Variants in PLPPR2 observed in about 807,000 individuals in gnomAD.
PLPPR2 encodes the protein phospholipid phosphatase related 2, also known as phospholipid phosphatase-related protein type 2.
PLPPR2 carries 11 observed loss-of-function variants against 40.3 expected under a neutral mutation model. That is an observed-to-expected ratio of 0.27 (90% CI 0.17 to 0.45). PLPPR2 has a LOEUF of 0.45. Ranked by LOEUF, PLPPR2 falls within the 20% of genes least tolerant of loss-of-function variation. The probability of loss-of-function intolerance (pLI) is 1.00; values close to 1 mark genes in which losing one functional copy is unlikely to be tolerated. For missense variants in PLPPR2, 497 were observed against 640.7 expected (o/e 0.78, Z 2.42); for synonymous variants, 260 against 290.8 (o/e 0.89, Z 1.08).
In PLPPR2 at chr19:11,362,677, C is replaced by T. The variant is rs1396189458; in HGVS notation, c.828C>T (p.Ile276=). The change falls in exon 7 of 10, where the codon ATC becomes ATT. Residue 276 remains isoleucine (I), a synonymous_variant. Coordinates refer to ENST00000688289, the MANE Select transcript of PLPPR2 (RefSeq NM_001393892.1). The surrounding 1 kb of genome is among the most constrained non-coding windows in gnomAD (Gnocchi z 5.3). The part of the protein sequence containing the change: ...VLAGFLTGAA[I]ATFLVTCVVH... ...CTGGCTTCCTGACAGGGGCGGCCAT[C>T]GCCACCTTTTTGGTGAGTTGCCTCC... 2.5e-6 allele frequency: 4 copies of T among 1,612,300 alleles called. No individual in the cohort carries two copies. Among genetic ancestry groups the T allele is most frequent in the African/African-American group, 1.3e-5 (1 of 75,044 alleles).
chr19:11,364,763 G>GT lies in PLPPR2; in HGVS notation c.*74dup, dbSNP rs1321890233. Reference sequence around the variant, plus strand: ...CCACGCGTGTGTGTGCGTGTGCCACGTGAGTGCCAAAGTCCCCTGCCCCCC... The same window carrying GT: ...CCACGCGTGTGTGTGCGTGTGCCACGTTGAGTGCCAAAGTCCCCTGCCCCCC... On this transcript the variant is annotated 3_prime_UTR_variant, in exon 10 of 10. Transcript: ENST00000688289. This position sits in a 1 kb window ranked among gnomAD's most constrained non-coding sequence, Gnocchi z 5.8. 1 of 1,506,430 alleles carries GT rather than the reference G, an allele frequency of 6.6e-7. No individual in the cohort carries two copies. Among genetic ancestry groups the GT allele is most frequent in the Non-Finnish European group, 8.9e-7 (1 of 1,123,648 alleles). 93.3% of individuals were successfully genotyped at this position (1,506,430 alleles called of 1,614,324 possible). A position where few individuals can be genotyped will look rare whatever the true frequency, so the allele number is the denominator to read the frequency against.
Position 11,362,397 on chromosome 19 carries a change from T to A in PLPPR2, c.664-116T>A. Reference sequence around the variant, plus strand: ...CCCATGACTCCAACCCTGGAGCCCCTGGCCACTCCCTCCAGCCCCAACGCT... The same window carrying A: ...CCCATGACTCCAACCCTGGAGCCCCAGGCCACTCCCTCCAGCCCCAACGCT... On this transcript the variant is annotated intron_variant, in intron 6 of 9. Coordinates refer to ENST00000688289, the MANE Select transcript of PLPPR2 (RefSeq NM_001393892.1). The surrounding 1 kb of genome is among the most constrained non-coding windows in gnomAD (Gnocchi z 5.3). 8.2e-7 allele frequency: 1 copy of A among 1,221,196 alleles called. No homozygotes were observed. Among genetic ancestry groups the A allele is most frequent in the Non-Finnish European group, 1.1e-6 (1 of 881,102 alleles). The allele number at this position is 1,221,196 out of a possible 1,614,324, so 75.6% of individuals were successfully genotyped here. A position where few individuals can be genotyped will look rare whatever the true frequency, so the allele number is the denominator to read the frequency against.
chr19:11,361,521 G>T lies in PLPPR2; in HGVS notation c.663+33G>T, dbSNP rs1277687802. ...TCGGGAGCTTCGGGGTCGGAAATGG[G>T]TGTGCAGGCTGGACAGCGACCAGCA... On this transcript the variant is annotated intron_variant, in intron 6 of 9. Transcript: ENST00000688289. This position sits in a 1 kb window ranked among gnomAD's most constrained non-coding sequence, Gnocchi z 6.3. 3.2e-6 allele frequency: 5 copies of T among 1,570,016 alleles called. No individual in the cohort carries two copies. Among genetic ancestry groups the T allele is most frequent in the Non-Finnish European group, 3.4e-6 (4 of 1,161,690 alleles).
chr19:11,361,204 A>G lies in PLPPR2; in HGVS notation c.392-13A>G, dbSNP rs768224745. ...GCCTGGCGCATGAACCCCTTCCACT[A>G]TCCCACCCCTAGGGGTCTACTCCTT... On this transcript the variant is annotated splice_polypyrimidine_tract_variant and intron_variant, in intron 5 of 9. Coordinates refer to ENST00000688289, the MANE Select transcript of PLPPR2 (RefSeq NM_001393892.1). This position sits in a 1 kb window ranked among gnomAD's most constrained non-coding sequence, Gnocchi z 6.3. The G allele has an allele frequency of 1.9e-6, 3 of 1,594,478 alleles. No individual in the cohort carries two copies. Among genetic ancestry groups the G allele is most frequent in the Non-Finnish European group, 2.6e-6 (3 of 1,171,758 alleles).
chr19:11,363,791 G>T lies in PLPPR2; in HGVS notation c.919G>T (p.Ala307Ser), dbSNP rs1409702651. The T allele has an allele frequency of 6.2e-7, 1 of 1,614,168 alleles. No individual in the cohort carries two copies. The highest frequency in any genetic ancestry group is 8.5e-7 in the Non-Finnish European group (1 of 1,180,012). ...CTCTCCCTGGGAGGACCTGGGCCAA[G>T]CCCCCACCATGGATAGCCCCCTCGA... ...RLSPWEDLGQ[A>S]PTMDSPLEKL... Residue 307 changes from alanine (A) to serine (S), a missense_variant, in exon 8 of 10, where the codon GCC (alanine) becomes TCC (serine). By Grantham distance (99) the Ala-to-Ser change is moderately conservative (BLOSUM62 1). Transcript: ENST00000688289. The surrounding 1 kb of genome is among the most constrained non-coding windows in gnomAD (Gnocchi z 4.8).
chr19:11,363,844 G>A lies in PLPPR2; in HGVS notation c.963+9G>A, dbSNP rs1489069980. On this transcript the variant is annotated intron_variant, in intron 8 of 9. Coordinates refer to ENST00000688289, the MANE Select transcript of PLPPR2 (RefSeq NM_001393892.1). This position sits in a 1 kb window ranked among gnomAD's most constrained non-coding sequence, Gnocchi z 4.8. ...AGTTAAGTGTGGCGCAGGTAAGGGGGGCCGGGGGCTGCTCCCGGCTGGAGA... is the reference window on the plus strand; with the variant it reads ...AGTTAAGTGTGGCGCAGGTAAGGGGAGCCGGGGGCTGCTCCCGGCTGGAGA... The A allele has an allele frequency of 1.9e-6, 3 of 1,611,860 alleles. No individual in the cohort carries two copies. The highest frequency in any genetic ancestry group is 2.5e-6 in the Non-Finnish European group (3 of 1,178,744).
Position 11,361,500 on chromosome 19 carries a change from G to A in PLPPR2, c.663+12G>A, listed in dbSNP as rs1260284508. 7 of 1,584,758 alleles carry A rather than the reference G, an allele frequency of 4.4e-6. No homozygotes were observed. In the Admixed American group the frequency reaches 5.1e-5, roughly 12 times the overall value. ...TCACCTACACAGCGGTGAGCTTCGG[G>A]AGCTTCGGGGTCGGAAATGGGTGTG... is the stretch of plus-strand genomic sequence containing the variant. On this transcript the variant is annotated intron_variant, in intron 6 of 9. Coordinates refer to ENST00000688289, the MANE Select transcript of PLPPR2 (RefSeq NM_001393892.1). The surrounding 1 kb of genome is among the most constrained non-coding windows in gnomAD (Gnocchi z 6.3).
intron 5 of PLPPR2, among the ~76,000 whole-genome samples, chr19:11,360,542 C>A (rs1275358489): frequency 6.6e-6 from 1 of 152,022 alleles, no homozygotes; most frequent in Non-Finnish European, 1.5e-5. Context: ...AATGGAGGTT[C>A]TAGGGACATG....
At chr19:11,357,486 C>T (rs1028208969) in intron 2 of PLPPR2, 174 bp from the exon 3 acceptor site, 2 of 478,478 alleles carry the variant, frequency 4.2e-6, no homozygotes, top group East Asian at 3.5e-5. Context: ...CAGGGCAGGA[C>T]CTGGATTGCA....
Position 11,361,910 on chromosome 19 carries a change from C to T in PLPPR2, c.663+422C>T, listed in dbSNP as rs1968057787. ...GGAGTCCTTGCCCCTCTTCTGGAGC[C>T]CTTGCCCCTCTCCTGGGGGCCTTGT... On this transcript the variant is annotated intron_variant, in intron 6 of 9. Coordinates refer to ENST00000688289, the MANE Select transcript of PLPPR2 (RefSeq NM_001393892.1). The surrounding 1 kb of genome is among the most constrained non-coding windows in gnomAD (Gnocchi z 6.3). 6.6e-6 allele frequency among the ~76,000 whole-genome samples: 1 copy of T among 152,110 alleles called. No homozygotes were observed.
At position 11,362,592 on chromosome 19, in the gene PLPPR2, C is replaced by T. The variant is rs772993330; in HGVS notation, c.743C>T (p.Ala248Val). The T allele has an allele frequency of 6.2e-7, 1 of 1,613,468 alleles. No homozygotes were observed. The highest frequency in any genetic ancestry group is 1.1e-5 in the South Asian group (1 of 91,082). Residue 248 changes from alanine to valine, a missense_variant, in exon 7 of 10, where the codon GCC becomes GTC. By Grantham distance (64) the Ala-to-Val change is moderately conservative. Coordinates refer to ENST00000688289, the MANE Select transcript of PLPPR2 (RefSeq NM_001393892.1). This position sits in a 1 kb window ranked among gnomAD's most constrained non-coding sequence, Gnocchi z 5.3. Reference protein sequence around the residue: ...PSLCLALLCPAFLVGVVRVAE... With the variant: ...PSLCLALLCPVFLVGVVRVAE... ...CTCTGCCTGGCCTTGCTGTGCCCGG[C>T]CTTCCTGGTGGGCGTGGTCCGCGTG... is the stretch of plus-strand genomic sequence containing the variant.
Position 11,359,791 on chromosome 19 carries a change from C to G in PLPPR2, c.256-30C>G. 1.3e-6 allele frequency: 2 copies of G among 1,594,576 alleles called. No homozygotes were observed. Among genetic ancestry groups the G allele is most frequent in the Non-Finnish European group, 1.7e-6 (2 of 1,166,164 alleles). On this transcript the variant is annotated intron_variant, in intron 4 of 9. Coordinates refer to ENST00000688289, the MANE Select transcript of PLPPR2 (RefSeq NM_001393892.1). This position sits in a 1 kb window ranked among gnomAD's most constrained non-coding sequence, Gnocchi z 5.6. Reference sequence around the variant, plus strand: ...TGGGTGAGGGGATGGGCTGGAAGGCCAGAAGACTCCATCTTGGTCTTGCCC... The same window carrying G: ...TGGGTGAGGGGATGGGCTGGAAGGCGAGAAGACTCCATCTTGGTCTTGCCC...
In PLPPR2 at chr19:11,362,037, A is replaced by G. The variant is rs1968061338; in HGVS notation, c.664-476A>G. On this transcript the variant is annotated intron_variant, in intron 6 of 9. Transcript: ENST00000688289. The surrounding 1 kb of genome is among the most constrained non-coding windows in gnomAD (Gnocchi z 5.3). Reference sequence around the variant, plus strand: ...CCTGGTCACATCCCCTGTTGCTTCAACTCTTTTTTCTGGCATCCGGGTTTA... The same window carrying G: ...CCTGGTCACATCCCCTGTTGCTTCAGCTCTTTTTTCTGGCATCCGGGTTTA... Among the ~76,000 whole-genome samples the G allele has an allele frequency of 6.6e-6, 1 of 151,024 alleles. No homozygotes were observed. The highest frequency in any genetic ancestry group is 2.1e-4 in the South Asian group (1 of 4,766).
chr19:11,357,588 C>T, intron 2 of PLPPR2, 72 bp from the exon 3 acceptor site: 2 of 1,163,778 alleles, frequency 1.7e-6, no homozygotes, highest in Non-Finnish European at 2.4e-6. Flanking sequence ...GGGATGAAGC[C>T]AGGGTCCCGG....
Position 11,361,263 on chromosome 19 carries a change from G to T in PLPPR2, c.438G>T (p.Ala146=). Residue 146 remains alanine (A), a synonymous_variant, in exon 6 of 10, where the codon GCG becomes GCT. Transcript: ENST00000688289. The surrounding 1 kb of genome is among the most constrained non-coding windows in gnomAD (Gnocchi z 6.3). Reference sequence around the variant, plus strand: ...TCACCACGACCATCTTCGCCAACGCGGGGCAGGTGGTGACCGGCAATCCCA... The same window carrying T: ...TCACCACGACCATCTTCGCCAACGCTGGGCAGGTGGTGACCGGCAATCCCA... ...GLFTTTIFAN[A]GQVVTGNPTP... 3 of 1,613,198 alleles carry T rather than the reference G, an allele frequency of 1.9e-6. No homozygotes were observed. Among genetic ancestry groups the T allele is most frequent in the Non-Finnish European group, 8.5e-7 (1 of 1,179,916 alleles).
intron 1 of PLPPR2, among the ~76,000 whole-genome samples, chr19:11,356,238 AGT>A (rs986443821): frequency 5.8e-4 from 87 of 150,538 alleles, no homozygotes; most frequent in African/African-American, 2.0e-3. Context: ...AGAGACTGTT[AGT>A]GTGTGTGTGG....
chr19:11,364,402 G>T lies in PLPPR2; in HGVS notation c.1071G>T (p.Arg357Ser). 1 of 1,519,466 alleles carries T rather than the reference G, an allele frequency of 6.6e-7. No individual in the cohort carries two copies. 94.1% of individuals were successfully genotyped at this position (1,519,466 alleles called of 1,614,324 possible). ...TGATCCCCAGCTGTGTCTCCTCCAG[G>T]GCCCCAGCCATGTGTTCGTCGCCCC... ...GHLIPSCVSS[R>S]APAMCSSPRV... Residue 357 changes from arginine (R) to serine (S), a missense_variant, in exon 10 of 10, where the codon AGG (arginine) becomes AGT (serine). Transcript: ENST00000688289. This position sits in a 1 kb window ranked among gnomAD's most constrained non-coding sequence, Gnocchi z 5.8.
rs1401622092 is a variant in PLPPR2, at chr19:11,362,518, C to T, written c.669C>T (p.Tyr223=). The T allele has an allele frequency of 1.9e-6, 3 of 1,609,868 alleles. No individual in the cohort carries two copies. The highest frequency in any genetic ancestry group is 1.7e-5 in the Admixed American group (1 of 60,012). ...CAYAVTYTAM[Y]VTLVFRVKGS... is the part of the protein sequence containing the mutation. The stretch of plus-strand genomic sequence containing the variant: ...ACCAGTCCGGCTCCCCGCAGATGTA[C>T]GTGACTCTCGTGTTCCGCGTGAAGG... The change falls in exon 7 of 10, where the codon TAC becomes TAT. Residue 223 remains tyrosine, a synonymous_variant. Transcript: ENST00000688289. The surrounding 1 kb of genome is among the most constrained non-coding windows in gnomAD (Gnocchi z 5.3).
In PLPPR2 at chr19:11,364,474, G is replaced by GCCCCTA; in HGVS notation, c.1149_1154dup (p.Leu385_Pro386dup). 1 of 1,517,230 alleles carries GCCCCTA rather than the reference G, an allele frequency of 6.6e-7. No individual in the cohort carries two copies. Among genetic ancestry groups the GCCCCTA allele is most frequent in the Non-Finnish European group, 8.8e-7 (1 of 1,138,334 alleles). 94.0% of individuals were successfully genotyped at this position (1,517,230 alleles called of 1,614,324 possible). The stretch of plus-strand genomic sequence containing the variant: ...GGTCTGAGCCGACGCCCTTGCCCCT[G>GCCCCTA]CCCCTACCCCTGCCAGCGCCCACCC... On this transcript the variant is annotated inframe_insertion, in exon 10 of 10. Coordinates refer to ENST00000688289, the MANE Select transcript of PLPPR2 (RefSeq NM_001393892.1). The surrounding 1 kb of genome is among the most constrained non-coding windows in gnomAD (Gnocchi z 5.8).
Sources: allele counts gnomAD v4.1 joint callset (sites outside exome capture counted in the v4.1 genomes callset), GRCh38; gene constraint gnomAD v4.1.1; non-coding constraint Gnocchi (gnomAD v3.1); transcripts MANE v1.5; gene names NCBI Gene and HGNC (gene_info 2026-07-23, HGNC 2026-07-21).